Variants in EPHA6 observed in about 807,000 individuals in gnomAD.
EPHA6 encodes ephrin type-A receptor 6.
In EPHA6, 50 loss-of-function variants were observed where a neutral mutation model predicts 112.0. That is an observed-to-expected ratio of 0.45 (90% CI 0.36 to 0.56). The LOEUF (loss-of-function observed/expected upper bound fraction) is 0.56. EPHA6 is among the 20% of genes least tolerant of loss of function. EPHA6 has a pLI of 0.00. For missense variants in EPHA6, 1,280 were observed against 1,417.4 expected, an observed-to-expected ratio of 0.90 and a Z score of 1.56; for synonymous variants, 529 against 490.7, an observed-to-expected ratio of 1.08 and a Z score of -1.03.
At chr3:97,312,081 A>G (rs1300616789) in intron 5 of EPHA6, among the ~76,000 whole-genome samples, 2 of 151,588 alleles carry the variant, frequency 1.3e-5, no homozygotes, top group Middle Eastern at 3.4e-3. Context: ...TTCATTTCCA[A>G]TTCTTTGTTG....
chr3:97,038,527 A>C (rs2045194491), intron 3 of EPHA6, among the ~76,000 whole-genome samples: 1 of 152,058 alleles, frequency 6.6e-6, no homozygotes, highest in Admixed American at 6.6e-5. Flanking sequence ...TATTGTGTAT[A>C]TGTGACACAT....
At chr3:96,977,555 T>A (rs2042583718) in intron 2 of EPHA6, among the ~76,000 whole-genome samples, 1 of 152,172 alleles carries the variant, frequency 6.6e-6, no homozygotes. Flanking sequence ...TATTAAGGCA[T>A]GTGGTATGTG....
At position 97,646,144 on chromosome 3, in the gene EPHA6, A is replaced by C. The variant is rs765580820; in HGVS notation, c.2784+8062A>C. 8 of 1,532,650 alleles carry C rather than the reference A, an allele frequency of 5.2e-6. No homozygotes were observed. The South Asian group carries it at 9.6e-5, about 18-fold the overall frequency. 94.9% of individuals were successfully genotyped at this position (1,532,650 alleles called of 1,614,324 possible). A position where few individuals can be genotyped will look rare whatever the true frequency, so the allele number is the denominator to read the frequency against. On this transcript the variant is annotated intron_variant, in intron 14 of 17. Coordinates refer to ENST00000389672, the MANE Select transcript of EPHA6 (RefSeq NM_001080448.3). The stretch of plus-strand genomic sequence containing the variant: ...AGACCCACAAATCACAACAAAGAGC[A>C]ATCAGAACTGGTTAAAGAAGATGGT...
At chr3:97,297,972 C>T (rs2080937911) in intron 5 of EPHA6, among the ~76,000 whole-genome samples, 1 of 152,080 alleles carries the variant, frequency 6.6e-6, no homozygotes, top group Non-Finnish European at 1.5e-5. Context: ...CCATGTTGGT[C>T]AGAATGGTCT....
At chr3:97,541,737 TTTTG>T (rs1279301852) in intron 11 of EPHA6, among the ~76,000 whole-genome samples, 3 of 147,062 alleles carry the variant, frequency 2.0e-5, no homozygotes, top group African/African-American at 5.3e-5. Flanking sequence ...GTTTTTTTTT[TTTTG>T]TTTGTTTGTT....
chr3:96,995,862 G>T (rs536270059), intron 3 of EPHA6, among the ~76,000 whole-genome samples: 53 of 152,180 alleles, frequency 3.5e-4, no homozygotes, highest in African/African-American at 1.0e-3. Flanking sequence ...AGATTAGGGT[G>T]GCAGTTGCTG....
At chr3:97,629,019 A>G (rs2093881531) in intron 13 of EPHA6, among the ~76,000 whole-genome samples, 1 of 151,906 alleles carries the variant, frequency 6.6e-6, no homozygotes, top group African/African-American at 2.4e-5. Flanking sequence ...CGCAACCTCA[A>G]ACTTCTGGGC....
chr3:97,633,888 A>T (rs1267343061), intron 13 of EPHA6, among the ~76,000 whole-genome samples: 1 of 152,120 alleles, frequency 6.6e-6, no homozygotes, highest in Admixed American at 6.6e-5. Context: ...TGTATGAATA[A>T]ATGGGGCTGT....
intron 2 of EPHA6, among the ~76,000 whole-genome samples, chr3:96,884,000 G>C (rs113442407): frequency 0.025 from 3,786 of 152,048 alleles, 160 homozygotes; most frequent in African/African-American, 0.085. Flanking sequence ...TTATGTTTTT[G>C]TTTGCTTTTC....
At chr3:97,692,666 A>G (rs1338256455) in intron 14 of EPHA6, among the ~76,000 whole-genome samples, 3 of 152,300 alleles carry the variant, frequency 2.0e-5, no homozygotes, top group East Asian at 3.9e-4. Context: ...CTTTTAATTT[A>G]TAGTGACATC....
intron 3 of EPHA6, among the ~76,000 whole-genome samples, chr3:97,045,941 G>C (rs2856476): frequency 0.048 from 7,321 of 152,130 alleles, 215 homozygotes; most frequent in Middle Eastern, 0.11. Context: ...AAATATTGAA[G>C]ATTTGAAATC....
intron 6 of EPHA6, among the ~76,000 whole-genome samples, chr3:97,437,554 T>C (rs1444147271): frequency 6.6e-6 from 1 of 152,352 alleles, no homozygotes; most frequent in East Asian, 1.9e-4. Context: ...AAAGTTGTTT[T>C]TATCTAGCAT....
chr3:97,556,738 C>T (rs1265605198), intron 11 of EPHA6, among the ~76,000 whole-genome samples: 1 of 151,988 alleles, frequency 6.6e-6, no homozygotes, highest in Non-Finnish European at 1.5e-5. Flanking sequence ...CATTTTAAAA[C>T]ATTACTAGGT....
chr3:96,860,137 T>A (rs1323749534), intron 1 of EPHA6, among the ~76,000 whole-genome samples: 1 of 152,136 alleles, frequency 6.6e-6, no homozygotes, highest in Non-Finnish European at 1.5e-5. Flanking sequence ...CATCAAAATG[T>A]ATGATGTAAA....
chr3:96,844,316 G>C (rs1424591615), intron 1 of EPHA6, among the ~76,000 whole-genome samples: 3 of 151,876 alleles, frequency 2.0e-5, no homozygotes, highest in Non-Finnish European at 4.4e-5. Flanking sequence ...AGTGATTGTG[G>C]TTTTCCCTGT....
chr3:97,457,645 C>A lies in EPHA6; in HGVS notation c.1894+8915C>A, dbSNP rs376030399. On this transcript the variant is annotated intron_variant, in intron 7 of 17. Transcript: ENST00000389672. ...AAAATTATCTAATGTAACATCTTCTCAATTTGTATTAGCCCAATGCAAAAC... is the reference window on the plus strand; with the variant it reads ...AAAATTATCTAATGTAACATCTTCTAAATTTGTATTAGCCCAATGCAAAAC... Among the ~76,000 whole-genome samples, 4 of 152,252 alleles carry A rather than the reference C, an allele frequency of 2.6e-5. No homozygotes were observed. In the East Asian group the frequency reaches 7.7e-4, roughly 29 times the overall value.
intron 3 of EPHA6, among the ~76,000 whole-genome samples, chr3:97,071,717 A>G (rs1402272254): frequency 6.6e-6 from 1 of 151,970 alleles, no homozygotes; most frequent in African/African-American, 2.4e-5. Flanking sequence ...CAGCCAAACC[A>G]TATCACATTA....
At chr3:97,462,593 C>T (rs937899016) in intron 7 of EPHA6, among the ~76,000 whole-genome samples, 1 of 152,122 alleles carries the variant, frequency 6.6e-6, no homozygotes, top group African/African-American at 2.4e-5. Context: ...TACCCGAAAA[C>T]AAGCTTAGCT....
At chr3:96,835,368 G>T (rs572238502) in intron 1 of EPHA6, among the ~76,000 whole-genome samples, 1 of 152,188 alleles carries the variant, frequency 6.6e-6, no homozygotes, top group Non-Finnish European at 1.5e-5. Flanking sequence ...CAAGTTTCAA[G>T]AAAGACTTTG....
Sources: allele counts gnomAD v4.1 joint callset (sites outside exome capture counted in the v4.1 genomes callset), GRCh38; gene constraint gnomAD v4.1.1; transcripts MANE v1.5; gene names NCBI Gene and HGNC (gene_info 2026-07-23, HGNC 2026-07-21).